Variants in SARNP observed in about 807,000 individuals in gnomAD.
SARNP encodes SAP domain containing ribonucleoprotein.
A neutral mutation model predicts 38.1 loss-of-function variants in SARNP; 5 were observed. The observed-to-expected ratio is 0.13, with a 90% CI of 0.07 to 0.28. SARNP has a LOEUF of 0.28. SARNP is among the 10% of genes least tolerant of loss of function. SARNP has a pLI of 1.00. For synonymous variants in SARNP, 84 were observed against 80.6 expected (o/e 1.04, Z -0.23); for missense variants, 180 against 243.9 (o/e 0.74, Z 1.75).
intron 1 of SARNP, among the ~76,000 whole-genome samples, chr12:55,804,480 G>GA (rs1880077330): frequency 6.6e-6 from 1 of 151,448 alleles, no homozygotes; most frequent in Admixed American, 6.6e-5. Flanking sequence ...AATTTAGTAG[G>GA]AATAAGGTAT....
At chr12:55,755,832 A>G (rs1243603144), downstream of SARNP, 1 of 152,198 alleles carries the variant, frequency 6.6e-6, no homozygotes, top group Non-Finnish European at 1.5e-5. Flanking sequence ...ACACTGTTCA[A>G]AGATCTAGGG....
chr12:55,757,346 C>G lies in SARNP; in HGVS notation c.*166G>C. The G allele has an allele frequency of 2.2e-6, 1 of 447,694 alleles. No homozygotes were observed. The highest frequency in any genetic ancestry group is 5.3e-5 in the South Asian group (1 of 18,714). The allele number at this position is 447,694 out of a possible 1,614,324, so 27.7% of individuals were successfully genotyped here. A position where few individuals can be genotyped will look rare whatever the true frequency, so the allele number is the denominator to read the frequency against. On this transcript the variant is annotated 3_prime_UTR_variant, in exon 11 of 11. Transcript: ENST00000336133. ...CACAACAACCTTAAAGCTGAAACAG[C>G]AATAAGTCAAACTGCTGCCGCAGTT...
chr12:55,816,056 G>A (rs557877835), intron 1 of SARNP: 1 of 152,194 alleles, frequency 6.6e-6, no homozygotes, highest in Admixed American at 6.5e-5. Context: ...AGGACTTTAC[G>A]TAAAAGTTAC....
chr12:55,810,152 G>A (rs1263543186), intron 1 of SARNP, among the ~76,000 whole-genome samples: 1 of 151,918 alleles, frequency 6.6e-6, no homozygotes, highest in African/African-American at 2.4e-5. Context: ...TTGCTCTGTT[G>A]CCCAGACTGG....
chr12:55,790,662 T>G (rs571182052), intron 7 of SARNP, 70 bp from the exon 8 acceptor site: 1 of 1,359,766 alleles, frequency 7.4e-7, no homozygotes, highest in Non-Finnish European at 9.7e-7. Context: ...TCAAGTCAAA[T>G]TAGGCAACAT....
intron 9 of SARNP, among the ~76,000 whole-genome samples, chr12:55,768,180 C>A (rs1354969014): frequency 5.3e-5 from 8 of 152,130 alleles, no homozygotes; most frequent in Admixed American, 5.2e-4. Flanking sequence ...GGCTGGAGCG[C>A]AAAGGCGTGA....
chr12:55,760,024 C>T (rs1400410381), intron 10 of SARNP, among the ~76,000 whole-genome samples: 2 of 152,178 alleles, frequency 1.3e-5, no homozygotes, highest in Non-Finnish European at 2.9e-5. Flanking sequence ...AGGCATGAGC[C>T]ACCACACCCA....
At chr12:55,774,073 T>G (rs760419573) in intron 9 of SARNP, among the ~76,000 whole-genome samples, 1 of 151,794 alleles carries the variant, frequency 6.6e-6, no homozygotes, top group Non-Finnish European at 1.5e-5. Flanking sequence ...GGCACAACCA[T>G]AGCTCGCTGC....
chr12:55,775,539 A>C (rs1298247269), intron 9 of SARNP, among the ~76,000 whole-genome samples: 2 of 146,386 alleles, frequency 1.4e-5, no homozygotes, highest in Non-Finnish European at 3.0e-5. Context: ...AAAAAAAAAA[A>C]AACAAAAAAC....
At chr12:55,797,408 T>C (rs548331056) in intron 4 of SARNP, among the ~76,000 whole-genome samples, 31 of 152,354 alleles carry the variant, frequency 2.0e-4, no homozygotes, top group Admixed American at 5.2e-4. Flanking sequence ...TCCTTTTAAA[T>C]AGTCAAGGAA....
intron 1 of SARNP, among the ~76,000 whole-genome samples, chr12:55,813,255 T>C (rs191144352): frequency 6.6e-6 from 1 of 152,240 alleles, no homozygotes; most frequent in East Asian, 1.9e-4. Flanking sequence ...GTTTAGCTGA[T>C]TTTTTAAGAA....
intron 9 of SARNP, among the ~76,000 whole-genome samples, chr12:55,773,251 C>T (rs1222243632): frequency 2.0e-5 from 3 of 152,196 alleles, no homozygotes; most frequent in African/African-American, 7.2e-5. Flanking sequence ...GTAACCCTTA[C>T]ATGCAACCAT....
chr12:55,807,686 C>T (rs373128925), intron 1 of SARNP, among the ~76,000 whole-genome samples: 1 of 150,410 alleles, frequency 6.6e-6, no homozygotes, highest in African/African-American at 2.4e-5. Context: ...CGGTGGCGGG[C>T]GCCTGTAGTC....
chr12:55,810,705 G>A (rs994737314), intron 1 of SARNP, among the ~76,000 whole-genome samples: 8 of 147,866 alleles, frequency 5.4e-5, no homozygotes, highest in Non-Finnish European at 1.0e-4. Context: ...TTCCCGCCTC[G>A]GCCTCTCAAA....
chr12:55,772,479 C>G (rs916169186), intron 9 of SARNP, among the ~76,000 whole-genome samples: 12 of 152,118 alleles, frequency 7.9e-5, no homozygotes, highest in African/African-American at 2.7e-4. Flanking sequence ...TTTCCCCAAC[C>G]CCCACTCCTC....
intron 1 of SARNP, among the ~76,000 whole-genome samples, chr12:55,812,678 C>A (rs898204818): frequency 1.3e-5 from 2 of 152,234 alleles, no homozygotes; most frequent in Non-Finnish European, 2.9e-5. Context: ...ACTACCCAAA[C>A]CCTGGAGTCA....
intron 4 of SARNP, among the ~76,000 whole-genome samples, chr12:55,797,636 T>G (rs1879857714): frequency 6.6e-6 from 1 of 152,198 alleles, no homozygotes; most frequent in Admixed American, 6.5e-5. Flanking sequence ...GTCAATGCAG[T>G]GCACATCATG....
intron 4 of SARNP, 70 bp downstream of exon 4, chr12:55,800,492 G>T (rs1592577802): frequency 2.7e-6 from 3 of 1,113,194 alleles, no homozygotes; most frequent in East Asian, 4.8e-5. Context: ...GGTAAACAAA[G>T]TTAAACATTA....
intron 1 of SARNP, among the ~76,000 whole-genome samples, chr12:55,809,080 C>T (rs566901658): frequency 1.3e-5 from 2 of 152,150 alleles, no homozygotes; most frequent in African/African-American, 4.8e-5. Context: ...GTGGCATGTG[C>T]CTGTAGTCCC....
Sources: allele counts gnomAD v4.1 joint callset (sites outside exome capture counted in the v4.1 genomes callset), GRCh38; gene constraint gnomAD v4.1.1; transcripts MANE v1.5; gene names NCBI Gene and HGNC (gene_info 2026-07-23, HGNC 2026-07-21).